Variants in ZNF536 observed in about 807,000 individuals in gnomAD.
The protein encoded by ZNF536 is zinc finger protein 536.
Under a neutral mutation model 84.5 loss-of-function variants are expected in ZNF536, and 13 were observed. The observed-to-expected ratio is 0.15, with a 90% CI of 0.10 to 0.24. ZNF536 has a LOEUF of 0.24. Among genes scored for constraint, ZNF536 ranks in the 10% least tolerant of loss-of-function variants. ZNF536 has a pLI of 1.00. For missense variants in ZNF536, 1,536 were observed against 1,747.5 expected (o/e 0.88, Z 2.16); for synonymous variants, 811 against 742.5 (o/e 1.09, Z -1.50).
At chr19:30,476,719 G>T (rs1467522506) in intron 2 of ZNF536, among the ~76,000 whole-genome samples, 1 of 152,180 alleles carries the variant, frequency 6.6e-6, no homozygotes, top group Non-Finnish European at 1.5e-5. Context: ...TTCTCAAACA[G>T]GTCCATTTTA....
intron 1 of ZNF536, among the ~76,000 whole-genome samples, chr19:30,639,210 A>G (rs1351056426): frequency 6.6e-6 from 1 of 152,234 alleles, no homozygotes; most frequent in Non-Finnish European, 1.5e-5. Flanking sequence ...GAGAACTGCC[A>G]AATAGGAATG....
intron 1 of ZNF536, among the ~76,000 whole-genome samples, chr19:30,402,795 A>ATT (rs55829467): frequency 2.4e-5 from 2 of 82,546 alleles, no homozygotes; most frequent in Non-Finnish European, 4.5e-5. Flanking sequence ...TAAAATTAAA[A>ATT]AATATATATA....
intron 2 of ZNF536, among the ~76,000 whole-genome samples, chr19:30,528,677 ACTGTGG>A (rs1377825941): frequency 6.6e-6 from 1 of 152,106 alleles, no homozygotes; most frequent in Admixed American, 6.5e-5. Context: ...TTGCAAGGTC[ACTGTGG>A]CCCAGGAGGA....
chr19:30,407,479 G>A (rs567230741), intron 1 of ZNF536, among the ~76,000 whole-genome samples: 43 of 152,192 alleles, frequency 2.8e-4, no homozygotes, highest in African/African-American at 9.4e-4. Context: ...CCATCTACCC[G>A]GAGATCCCAC....
chr19:30,700,047 C>G (rs1316978574), intron 1 of ZNF536, among the ~76,000 whole-genome samples: 1 of 146,890 alleles, frequency 6.8e-6, no homozygotes, highest in Middle Eastern at 3.2e-3. Context: ...TTCTTTCTTT[C>G]TCTCCCTCCC....
rs199638233 is a variant in ZNF536 at position 30,439,959 on chromosome 19, C to CTTT, written c.-2-3583_-2-3581dup. Among the ~76,000 whole-genome samples the CTTT allele has an allele frequency of 5.6e-3, 539 of 96,366 alleles. 12 individuals are homozygous for CTTT. The highest frequency in any genetic ancestry group is 0.029 in the South Asian group (76 of 2,594). 63.2% of individuals were successfully genotyped at this position (96,366 alleles called of 152,430 possible). On this transcript the variant is annotated intron_variant, in intron 1 of 4. Transcript: ENST00000355537. ...TTCTTTCTTTTCTTTTTCTTTCTTT[C>CTTT]TTTTTTTTTTTTTTTTTTTTTGACA... is the stretch of plus-strand genomic sequence containing the variant.
At chr19:30,474,152 T>C (rs1365879229) in intron 2 of ZNF536, among the ~76,000 whole-genome samples, 5 of 151,992 alleles carry the variant, frequency 3.3e-5, no homozygotes, top group Admixed American at 2.6e-4. Flanking sequence ...GTGAAGCACA[T>C]TGGTGAGCTA....
chr19:30,353,526 GC>G lies in ZNF536; in HGVS notation c.-3+1050del, dbSNP rs903006734. ...GGTCGCTTCCATCAGTGGATGAGCA[GC>G]CCCCCCCTGGCACCGGTGACTTCTC... On this transcript the variant is annotated intron_variant, in intron 3 of 5. Coordinates refer to the ZNF536 transcript ENST00000585628. 6.2e-4 allele frequency among the ~76,000 whole-genome samples: 94 copies of G among 151,394 alleles called. 1 individual carries two copies. In the Middle Eastern group the frequency reaches 0.014, roughly 22 times the overall value.
At chr19:30,391,982 C>T (rs565899810) in intron 1 of ZNF536, among the ~76,000 whole-genome samples, 1 of 152,136 alleles carries the variant, frequency 6.6e-6, no homozygotes, top group Non-Finnish European at 1.5e-5. Flanking sequence ...ATCCTCCCCC[C>T]TTCACCCCCG....
chr19:30,529,642 G>A (rs752763043), intron 2 of ZNF536, among the ~76,000 whole-genome samples: 1 of 152,184 alleles, frequency 6.6e-6, no homozygotes. Context: ...CTGACCTTGA[G>A]AAGACAAAAT....
chr19:30,593,123 TG>T (rs1280496703), intron 1 of ZNF536, among the ~76,000 whole-genome samples: 1 of 152,196 alleles, frequency 6.6e-6, no homozygotes. Context: ...ACCATCAAAC[TG>T]GTCAGAAATA....
chr19:30,261,778 C>A (rs1040136767), intron 1 of ZNF536, among the ~76,000 whole-genome samples: 1 of 150,458 alleles, frequency 6.6e-6, no homozygotes, highest in African/African-American at 2.4e-5. Flanking sequence ...AAATAAAGGT[C>A]TGGATGGCAC....
At chr19:30,427,822 ACCT>A (rs2051280963) in intron 1 of ZNF536, among the ~76,000 whole-genome samples, 1 of 151,846 alleles carries the variant, frequency 6.6e-6, no homozygotes, top group Non-Finnish European at 1.5e-5. Flanking sequence ...AGGCCACTTG[ACCT>A]CCTTCCCGGT....
At chr19:30,674,584 C>G (rs959234873) in intron 1 of ZNF536, among the ~76,000 whole-genome samples, 1 of 152,144 alleles carries the variant, frequency 6.6e-6, no homozygotes, top group Admixed American at 6.5e-5. Context: ...TTGGGGAGCT[C>G]TGGGACCTGA....
intron 3 of ZNF536, among the ~76,000 whole-genome samples, chr19:30,362,060 G>A (rs893266886): frequency 3.3e-5 from 5 of 152,266 alleles, no homozygotes; most frequent in African/African-American, 1.2e-4. Flanking sequence ...TGTCTGTTTC[G>A]CACAGTGGGG....
At chr19:30,374,688 TTGTTTTTTTTTCTTTCCCTCC>T (rs1369874638) in intron 1 of ZNF536, among the ~76,000 whole-genome samples, 3 of 6,218 alleles carry the variant, frequency 4.8e-4, no homozygotes, top group Non-Finnish European at 1.6e-3. Context: ...AAACTGAGTG[TTGTTTTTTTTTCTTTCCCTCC>T]TGCAACTTCT....
intron 1 of ZNF536, among the ~76,000 whole-genome samples, chr19:30,272,706 T>G (rs1226995367): frequency 1.3e-5 from 2 of 152,202 alleles, no homozygotes; most frequent in African/African-American, 4.8e-5. Flanking sequence ...CTTAGAAATA[T>G]GCATTTAAAT....
intron 1 of ZNF536, among the ~76,000 whole-genome samples, chr19:30,612,828 T>C (rs369839965): frequency 5.9e-5 from 9 of 152,346 alleles, no homozygotes; most frequent in African/African-American, 2.2e-4. Flanking sequence ...CGAATTAATC[T>C]ATAGACCTTG....
intron 1 of ZNF536, among the ~76,000 whole-genome samples, chr19:30,438,655 A>G (rs1211411216): frequency 6.6e-6 from 1 of 152,178 alleles, no homozygotes; most frequent in African/African-American, 2.4e-5. Context: ...TTTTATTTGA[A>G]ATTTTAAAAA....
Sources: allele counts gnomAD v4.1 joint callset (sites outside exome capture counted in the v4.1 genomes callset), GRCh38; gene constraint gnomAD v4.1.1; transcripts MANE v1.5; gene names NCBI Gene and HGNC (gene_info 2026-07-23, HGNC 2026-07-21).